SEL1L2: variants seen among roughly 807,000 people sequenced by gnomAD.
SEL1L2 encodes protein sel-1 homolog 2.
A neutral mutation model predicts 98.8 loss-of-function variants in SEL1L2; 89 were observed. The ratio of observed to expected loss-of-function variants is 0.90; its 90% CI spans 0.76 to 1.07. SEL1L2 has a LOEUF of 1.07. Among genes scored for constraint, SEL1L2 ranks in the 50% least tolerant of loss-of-function variants. The probability of loss-of-function intolerance (pLI) is 0.00; values close to 1 mark genes in which losing one functional copy is unlikely to be tolerated. For missense variants in SEL1L2, 788 were observed against 812.0 expected (o/e 0.97, Z 0.36); for synonymous variants, 262 against 278.5 (o/e 0.94, Z 0.59).
chr20:13,933,604 A>G (rs914717683), intron 2 of SEL1L2, among the ~76,000 whole-genome samples: 3 of 152,136 alleles, frequency 2.0e-5, no homozygotes. Flanking sequence ...CAGCACTTCA[A>G]TTCTTTCTAT....
chr20:13,954,106 CT>C (rs369669575), intron 2 of SEL1L2, among the ~76,000 whole-genome samples: 9,703 of 148,792 alleles, frequency 0.065, 350 homozygotes, highest in Non-Finnish European at 0.074. Context: ...GAGTAGATGA[CT>C]TTTTTTTTTG....
chr20:13,961,219 A>G (rs1265859107), intron 1 of SEL1L2, among the ~76,000 whole-genome samples: 1 of 152,226 alleles, frequency 6.6e-6, no homozygotes, highest in Admixed American at 6.5e-5. Context: ...AAACCTTACC[A>G]AAGGATTCAC....
At chr20:13,903,389 T>G (rs1223595195) in intron 5 of SEL1L2, among the ~76,000 whole-genome samples, 1 of 152,192 alleles carries the variant, frequency 6.6e-6, no homozygotes, top group Admixed American at 6.5e-5. Flanking sequence ...TGTAAAAGTC[T>G]GTTTGGGTGT....
intron 9 of SEL1L2, 93 bp from the exon 10 acceptor site, chr20:13,885,496 T>A (rs1295101176): frequency 7.1e-6 from 6 of 839,634 alleles, no homozygotes; most frequent in Admixed American, 5.2e-5. Context: ...GTATGTTGAT[T>A]GTTGGACACG....
chr20:13,943,033 C>T (rs1340971850), intron 2 of SEL1L2, among the ~76,000 whole-genome samples: 2 of 152,040 alleles, frequency 1.3e-5, no homozygotes, highest in East Asian at 3.8e-4. Context: ...AATAACCACC[C>T]CTAAGTGAAA....
intron 2 of SEL1L2, among the ~76,000 whole-genome samples, chr20:13,953,695 T>G (rs1340377223): frequency 1.3e-5 from 2 of 152,204 alleles, no homozygotes; most frequent in Non-Finnish European, 2.9e-5. Context: ...GGAAGTACAC[T>G]CTCTCGCTTT....
chr20:13,861,461 A>G (rs903331611), intron 17 of SEL1L2, among the ~76,000 whole-genome samples: 1 of 151,712 alleles, frequency 6.6e-6, no homozygotes, highest in African/African-American at 2.4e-5. Context: ...ATATATATGT[A>G]TAATATATGT....
intron 2 of SEL1L2, among the ~76,000 whole-genome samples, chr20:13,955,713 C>T (rs959566503): frequency 4.6e-5 from 7 of 152,106 alleles, no homozygotes; most frequent in Non-Finnish European, 8.8e-5. Flanking sequence ...AGATTGATAA[C>T]GTTTAATAAG....
chr20:13,969,963 C>T (rs757125535), intron 1 of SEL1L2, among the ~76,000 whole-genome samples: 1 of 151,994 alleles, frequency 6.6e-6, no homozygotes, highest in Non-Finnish European at 1.5e-5. Flanking sequence ...ATGTTAGCAC[C>T]CACTCATATA....
intron 12 of SEL1L2, among the ~76,000 whole-genome samples, chr20:13,874,027 G>A (rs532828380): frequency 1.3e-5 from 2 of 152,260 alleles, no homozygotes; most frequent in East Asian, 3.9e-4. Flanking sequence ...TGTGGATGAA[G>A]GGAGGATTGG....
chr20:13,868,498 T>A (rs974626232), intron 14 of SEL1L2, among the ~76,000 whole-genome samples: 1 of 152,148 alleles, frequency 6.6e-6, no homozygotes. Context: ...CTCAACTTCC[T>A]GATCTTCCGT....
intron 4 of SEL1L2, among the ~76,000 whole-genome samples, chr20:13,916,682 T>C (rs1447815113): frequency 6.6e-6 from 1 of 152,118 alleles, no homozygotes; most frequent in African/African-American, 2.4e-5. Flanking sequence ...GGTGGGCACC[T>C]GTCATCTCAG....
chr20:13,936,443 TC>T (rs1220514003), intron 2 of SEL1L2, among the ~76,000 whole-genome samples: 4 of 152,134 alleles, frequency 2.6e-5, no homozygotes, highest in Non-Finnish European at 5.9e-5. Context: ...ATTTACAACT[TC>T]CCCAATGACT....
chr20:13,880,099 GAA>G (rs2046625263), intron 10 of SEL1L2, among the ~76,000 whole-genome samples: 1 of 152,214 alleles, frequency 6.6e-6, no homozygotes, highest in South Asian at 2.1e-4. Context: ...TTTCAGAAAT[GAA>G]TAAATGTATG....
chr20:13,929,739 A>T (rs1439947902), intron 3 of SEL1L2, among the ~76,000 whole-genome samples: 2 of 149,014 alleles, frequency 1.3e-5, no homozygotes, highest in African/African-American at 5.0e-5. Context: ...TGACCTCGTG[A>T]TCCTCCCGCC....
intron 4 of SEL1L2, among the ~76,000 whole-genome samples, chr20:13,916,001 G>C (rs1406158823): frequency 6.6e-6 from 1 of 152,130 alleles, no homozygotes; most frequent in Non-Finnish European, 1.5e-5. Context: ...TTGCTGATGG[G>C]GAGTGATTCT....
intron 10 of SEL1L2, among the ~76,000 whole-genome samples, chr20:13,878,255 C>G (rs992202041): frequency 6.6e-6 from 1 of 152,126 alleles, no homozygotes; most frequent in Non-Finnish European, 1.5e-5. Context: ...TCCTTGGAAA[C>G]CATGTAGAGC....
At chr20:13,964,446 CATT>C (rs1377180285) in intron 1 of SEL1L2, among the ~76,000 whole-genome samples, 1 of 105,362 alleles carries the variant, frequency 9.5e-6, no homozygotes, top group African/African-American at 3.4e-5. Context: ...GCTATCTCTT[CATT>C]TTTTTTTTTT....
At chr20:13,992,437 G>A (rs527525308), upstream of SEL1L2, among the ~76,000 whole-genome samples, 8 of 152,264 alleles carry the variant, frequency 5.3e-5, no homozygotes, top group South Asian at 1.5e-3. Flanking sequence ...CTGGGAGGCA[G>A]AGGTTGCAGT....
Sources: allele counts gnomAD v4.1 joint callset (sites outside exome capture counted in the v4.1 genomes callset), GRCh38; gene constraint gnomAD v4.1.1; transcripts MANE v1.5; gene names NCBI Gene and HGNC (gene_info 2026-07-23, HGNC 2026-07-21).